Variants in FKTN observed in about 807,000 individuals in gnomAD.
FKTN encodes ribitol-5-phosphate transferase FKTN.
Under a neutral mutation model 58.6 loss-of-function variants are expected in FKTN, and 47 were observed. The ratio of observed to expected loss-of-function variants is 0.80; its 90% CI spans 0.63 to 1.02. The LOEUF (loss-of-function observed/expected upper bound fraction) is 1.02. Ranked by LOEUF, FKTN falls within the 50% of genes least tolerant of loss-of-function variation. The pLI is 0.00. For missense variants in FKTN, 516 were observed against 537.3 expected, an observed-to-expected ratio of 0.96 and a Z score of 0.39; for synonymous variants, 178 against 191.9, an observed-to-expected ratio of 0.93 and a Z score of 0.60.
chr9:105,568,288 A>C (rs1035005285), intron 1 of FKTN, among the ~76,000 whole-genome samples: 3 of 152,266 alleles, frequency 2.0e-5, no homozygotes, highest in African/African-American at 7.2e-5. Flanking sequence ...CAAAATTGAC[A>C]AAAGGGAGCT....
intron 3 of FKTN, among the ~76,000 whole-genome samples, chr9:105,593,731 A>G (rs186902362): frequency 6.6e-6 from 1 of 152,330 alleles, no homozygotes; most frequent in African/African-American, 2.4e-5. Context: ...AAATATGGTG[A>G]TACAGAGAGC....
At chr9:105,631,181 AT>A (rs1391997337) in intron 10 of FKTN, among the ~76,000 whole-genome samples, 2 of 152,182 alleles carry the variant, frequency 1.3e-5, no homozygotes, top group Non-Finnish European at 2.9e-5. Context: ...TAAAGAGAAT[AT>A]AACAAAAACC....
chr9:105,612,015 G>GTTTATTTTAT (rs563944050), intron 7 of FKTN, among the ~76,000 whole-genome samples: 28 of 151,352 alleles, frequency 1.8e-4, no homozygotes, highest in South Asian at 8.4e-4. Flanking sequence ...AATATCTGGG[G>GTTTATTTTAT]TTTATTTTAT....
intron 3 of FKTN, among the ~76,000 whole-genome samples, chr9:105,587,900 G>A (rs2768291): frequency 0.68 from 102,921 of 151,922 alleles, 35,226 homozygotes; most frequent in African/African-American, 0.76. Flanking sequence ...GTTTCTACTG[G>A]AAAGAGAAAC....
At chr9:105,577,990 G>A (rs1471893592) in intron 3 of FKTN, among the ~76,000 whole-genome samples, 2 of 151,990 alleles carry the variant, frequency 1.3e-5, no homozygotes, top group Admixed American at 1.3e-4. Context: ...TGGTGTATAA[G>A]AATGCTTGTG....
chr9:105,587,282 C>A (rs545947972), intron 3 of FKTN, among the ~76,000 whole-genome samples: 2 of 151,832 alleles, frequency 1.3e-5, no homozygotes, highest in South Asian at 2.1e-4. Flanking sequence ...TATTTAGTAG[C>A]CTATGTATGT....
At chr9:105,607,765 C>T in intron 6 of FKTN, 54 bp from the exon 7 acceptor site, 1 of 1,528,340 alleles carries the variant, frequency 6.5e-7, no homozygotes, top group South Asian at 1.1e-5. Context: ...TCCTAATGTT[C>T]TCCCTCCCTG....
chr9:105,568,498 C>G (rs1022255572), intron 1 of FKTN, among the ~76,000 whole-genome samples: 11 of 152,164 alleles, frequency 7.2e-5, no homozygotes, highest in African/African-American at 2.4e-4. Flanking sequence ...AGACACTTCT[C>G]AAAAGAAGAC....
chr9:105,581,702 G>C (rs1007751309), intron 3 of FKTN, among the ~76,000 whole-genome samples: 3 of 152,200 alleles, frequency 2.0e-5, no homozygotes, highest in East Asian at 1.9e-4. Context: ...CATGCAGTTC[G>C]AGCTTCCCGG....
At chr9:105,610,474 T>A (rs1354015930) in intron 7 of FKTN, among the ~76,000 whole-genome samples, 1 of 152,046 alleles carries the variant, frequency 6.6e-6, no homozygotes, top group African/African-American at 2.4e-5. Context: ...CTGACTCCCA[T>A]TGACCTTAAT....
At chr9:105,585,508 A>G (rs562582949) in intron 3 of FKTN, among the ~76,000 whole-genome samples, 1 of 152,350 alleles carries the variant, frequency 6.6e-6, no homozygotes, top group African/African-American at 2.4e-5. Flanking sequence ...CAACTTTTAA[A>G]TTTATTTCAG....
chr9:105,575,495 G>A (rs904478249), intron 3 of FKTN, among the ~76,000 whole-genome samples: 3 of 151,976 alleles, frequency 2.0e-5, no homozygotes, highest in Non-Finnish European at 2.9e-5. Context: ...GTACCTACTG[G>A]GGAAGTATAA....
rs779499790 is a variant in FKTN, at chr9:105,601,228, T to C, written c.249T>C (p.Ile83=). The part of the protein sequence containing the change: ...FLIDPLILEL[I]NKNFEQVKNT... ...TTGATCCTTTGATACTGGAATTGAT[T>C]AATAAGAACTTTGAACAAGTCAAAA... The change falls in exon 5 of 11, where the codon ATT becomes ATC. Residue 83 remains isoleucine (I), a synonymous_variant. Transcript: ENST00000357998. The C allele has an allele frequency of 6.2e-7, 1 of 1,609,042 alleles. No individual in the cohort carries two copies. Among genetic ancestry groups the C allele is most frequent in the African/African-American group, 1.3e-5 (1 of 74,948 alleles).
chr9:105,589,320 A>G (rs570150138), intron 3 of FKTN, among the ~76,000 whole-genome samples: 1 of 152,284 alleles, frequency 6.6e-6, no homozygotes, highest in East Asian at 1.9e-4. Flanking sequence ...TAACATGGTG[A>G]AACCCTGTCT....
In FKTN at chr9:105,635,971, A is replaced by G. The variant is rs1834006762; in HGVS notation, c.*707A>G. ...AACTTTATGCTTGTTTAATGCTTAA[A>G]TTTCCATCCATTGTGAGAATATTTT... On this transcript the variant is annotated 3_prime_UTR_variant, in exon 11 of 11. Transcript: ENST00000357998. The G allele has an allele frequency of 1.0e-6, 1 of 985,622 alleles. No homozygotes were observed. Among genetic ancestry groups the G allele is most frequent in the Non-Finnish European group, 1.2e-6 (1 of 830,154 alleles). 61.1% of individuals were successfully genotyped at this position (985,622 alleles called of 1,614,324 possible). A position where few individuals can be genotyped will look rare whatever the true frequency, so the allele number is the denominator to read the frequency against.
chr9:105,563,958 C>T (rs1279257368), intron 1 of FKTN, among the ~76,000 whole-genome samples: 1 of 152,192 alleles, frequency 6.6e-6, no homozygotes, highest in African/African-American at 2.4e-5. Context: ...ACGAAACTTC[C>T]AGAGGAACGA....
intron 1 of FKTN, among the ~76,000 whole-genome samples, chr9:105,561,260 C>G (rs2131645991): frequency 6.6e-6 from 1 of 152,034 alleles, no homozygotes; most frequent in East Asian, 1.9e-4. Flanking sequence ...GGTGACAGAG[C>G]AAGACTCCAT....
intron 3 of FKTN, among the ~76,000 whole-genome samples, chr9:105,585,484 G>T (rs1229749496): frequency 6.6e-6 from 1 of 152,206 alleles, no homozygotes; most frequent in Non-Finnish European, 1.5e-5. Context: ...AGACTAATTA[G>T]ATGCTAAAGA....
chr9:105,617,231 T>C (rs1457771889), intron 8 of FKTN, among the ~76,000 whole-genome samples: 1 of 152,240 alleles, frequency 6.6e-6, no homozygotes, highest in Non-Finnish European at 1.5e-5. Flanking sequence ...AGAAAGATCA[T>C]AGGGGAGACC....
Sources: gnomAD v4.1 joint callset for allele counts (sites outside exome capture counted in the v4.1 genomes callset) on GRCh38, gnomAD v4.1.1 for gene constraint, MANE v1.5 for transcripts, NCBI Gene and HGNC (gene_info 2026-07-23, HGNC 2026-07-21) for gene names.